Variants in PSAP observed in about 807,000 individuals in gnomAD.
PSAP encodes the protein precursor of saposins.
Under a neutral mutation model 66.0 loss-of-function variants are expected in PSAP, and 25 were observed. The ratio of observed to expected loss-of-function variants is 0.38; its 90% CI spans 0.28 to 0.53. The LOEUF is 0.53. Ranked by LOEUF, PSAP falls within the 20% of genes least tolerant of loss-of-function variation. The pLI is 0.83. For synonymous variants in PSAP, 273 were observed against 258.9 expected, an observed-to-expected ratio of 1.05 and a Z score of -0.52; for missense variants, 649 against 668.8, an observed-to-expected ratio of 0.97 and a Z score of 0.33.
In PSAP at chr10:71,831,053, A is replaced by G. The variant is rs1329425155; in HGVS notation, c.375+73T>C. On this transcript the variant is annotated intron_variant, in intron 4 of 13. Transcript: ENST00000394936. ...AAGAACAGACTTTCCATTTTAATCAATCTACTCTGGGCCACTGCCTCTCCT... is the reference window on the plus strand; with the variant it reads ...AAGAACAGACTTTCCATTTTAATCAGTCTACTCTGGGCCACTGCCTCTCCT... 9 of 1,598,584 alleles carry G rather than the reference A, an allele frequency of 5.6e-6. No individual in the cohort carries two copies. The Middle Eastern group carries it at 5.0e-4, about 88-fold the overall frequency.
At chr10:71,820,193 C>T (rs200623398) in intron 9 of PSAP, 47 bp downstream of exon 9, 1 of 1,517,190 alleles carries the variant, frequency 6.6e-7, no homozygotes, top group African/African-American at 1.4e-5. Flanking sequence ...GACATTCAGG[C>T]TCGGGGGGGC....
chr10:71,826,414 T>G (rs1219276492), intron 6 of PSAP, among the ~76,000 whole-genome samples: 1 of 152,200 alleles, frequency 6.6e-6, no homozygotes, highest in East Asian at 1.9e-4. Flanking sequence ...TTGGGGAGCT[T>G]CTACAGAGAG....
Position 71,822,109 on chromosome 10 carries a change from C to G in PSAP, c.778-102G>C. 5.9e-6 allele frequency: 9 copies of G among 1,532,144 alleles called. No individual in the cohort carries two copies. The Admixed American group carries it at 1.6e-4, about 27-fold the overall frequency. The allele number at this position is 1,532,144 out of a possible 1,614,324, so 94.9% of individuals were successfully genotyped here. A position where few individuals can be genotyped will look rare whatever the true frequency, so the allele number is the denominator to read the frequency against. On this transcript the variant is annotated intron_variant, in intron 7 of 13. Coordinates refer to ENST00000394936, the MANE Select transcript of PSAP (RefSeq NM_002778.4). ...AGGGAGCTGGACAGCACCCTGGGCC[C>G]AGGTCAAGGCTACCTCCCTCTCCCC...
intron 1 of PSAP, among the ~76,000 whole-genome samples, chr10:71,839,836 A>G (rs1023296668): frequency 6.6e-6 from 1 of 152,174 alleles, no homozygotes; most frequent in Non-Finnish European, 1.5e-5. Flanking sequence ...CCTGGGCGAC[A>G]GAGCGAGACT....
chr10:71,828,410 CT>C (rs1199223261), intron 5 of PSAP, among the ~76,000 whole-genome samples: 2 of 152,184 alleles, frequency 1.3e-5, no homozygotes, highest in Non-Finnish European at 2.9e-5. Context: ...AATCCCAGCA[CT>C]TTGGGAAGCC....
In PSAP at chr10:71,817,319, G is replaced by C. The variant is rs113284884; in HGVS notation, c.*122C>G. 7,000 of 1,053,852 alleles carry C rather than the reference G, an allele frequency of 6.6e-3. 43 individuals carry two copies. Among genetic ancestry groups the C allele is most frequent in the Non-Finnish European group, 7.8e-3 (5,264 of 673,388 alleles). 65.3% of individuals were successfully genotyped at this position (1,053,852 alleles called of 1,614,324 possible). On this transcript the variant is annotated 3_prime_UTR_variant, in exon 14 of 14. Coordinates refer to ENST00000394936, the MANE Select transcript of PSAP (RefSeq NM_002778.4). The stretch of plus-strand genomic sequence containing the variant: ...GCTACAATAAAGGACACAGAAATGG[G>C]GGAGGTGGGGGAGCCCTATTTTTAT...
At chr10:71,845,205 T>C (rs571501798) in intron 1 of PSAP, among the ~76,000 whole-genome samples, 6 of 152,164 alleles carry the variant, frequency 3.9e-5, no homozygotes, top group Non-Finnish European at 8.8e-5. Context: ...ATTTATTGGA[T>C]ACAATATTTG....
Position 71,831,183 on chromosome 10 carries a change from G to A in PSAP, c.318C>T (p.Cys106=). ...WLPKPNMSAS[C]KEIVDSYLPV... ...GGAGGTAGGAGTCCACTATCTCCTT[G>A]CATGAAGCAGACATGTTCGGTTTCG... Residue 106 remains cysteine, a synonymous_variant, in exon 4 of 14, where the codon TGC becomes TGT. Transcript: ENST00000394936. The A allele has an allele frequency of 6.2e-7, 1 of 1,614,110 alleles. No homozygotes were observed. Among genetic ancestry groups the A allele is most frequent in the Non-Finnish European group, 8.5e-7 (1 of 1,180,014 alleles).
At chr10:71,821,025 A>G (rs904052836) in intron 8 of PSAP, among the ~76,000 whole-genome samples, 2 of 152,196 alleles carry the variant, frequency 1.3e-5, no homozygotes, top group East Asian at 1.9e-4. Context: ...AGTGCGAGCT[A>G]TAACTCTTCA....
chr10:71,821,050 C>T (rs543801825), intron 8 of PSAP, among the ~76,000 whole-genome samples: 36 of 152,328 alleles, frequency 2.4e-4, no homozygotes, highest in African/African-American at 8.2e-4. Context: ...CTCTGGCCGT[C>T]ACTTTGGTCA....
chr10:71,823,097 G>A (rs768691184), intron 7 of PSAP, among the ~76,000 whole-genome samples: 1 of 151,372 alleles, frequency 6.6e-6, no homozygotes, highest in Non-Finnish European at 1.5e-5. Context: ...AGGAGGCCTA[G>A]GTAAAAATTC....
At chr10:71,849,057 G>C (rs1169240635) in intron 1 of PSAP, among the ~76,000 whole-genome samples, 1 of 152,012 alleles carries the variant, frequency 6.6e-6, no homozygotes, top group Non-Finnish European at 1.5e-5. Flanking sequence ...AACTCTTAAG[G>C]GTCTTGTGAG....
At position 71,825,887 on chromosome 10, in the gene PSAP, T is replaced by C. The variant is rs747236402; in HGVS notation, c.727A>G (p.Asn243Asp). The C allele has an allele frequency of 5.6e-6, 9 of 1,613,418 alleles. No homozygotes were observed. Among genetic ancestry groups the C allele is most frequent in the Non-Finnish European group, 7.6e-6 (9 of 1,179,368 alleles). The part of the protein sequence containing the change: ...LGPGMADICK[N>D]YISQYSEIAI... ...ATTTCAGAATACTGGCTGATATAGT[T>C]CTTGCACTGAGGAGAGAGAAACAGA... is the stretch of plus-strand genomic sequence containing the variant. Residue 243 changes from asparagine to aspartate, a missense_variant, in exon 7 of 14, where the codon AAC (asparagine) becomes GAC (aspartate). Physicochemically the swap from Asn to Asp is conservative, Grantham distance 23 (BLOSUM62 1). Coordinates refer to ENST00000394936, the MANE Select transcript of PSAP (RefSeq NM_002778.4).
At position 71,825,567 on chromosome 10, in the gene PSAP, T is replaced by C. The variant is rs186022894; in HGVS notation, c.777+270A>G. Among the ~76,000 whole-genome samples the C allele has an allele frequency of 3.4e-4, 52 of 152,234 alleles. No individual in the cohort carries two copies. In the South Asian group the frequency reaches 8.5e-3, roughly 25 times the overall value. ...GTTAAAGCCAGACCTAGAAACCTGA[T>C]GGCTGGCCTGAACGGGCAGAGGCAA... On this transcript the variant is annotated intron_variant, in intron 7 of 13. Transcript: ENST00000394936.
chr10:71,835,688 T>C (rs1210026517), intron 1 of PSAP, among the ~76,000 whole-genome samples: 2 of 152,116 alleles, frequency 1.3e-5, no homozygotes, highest in African/African-American at 4.8e-5. Context: ...AGCCCAATTA[T>C]TTAGCTAGGA....
In PSAP at chr10:71,820,237, T is replaced by C. The variant is rs1381400896; in HGVS notation, c.1005+3A>G. On this transcript the variant is annotated splice_donor_region_variant and intron_variant, in intron 9 of 13. Transcript: ENST00000394936. Reference sequence around the variant, plus strand: ...CCCTCCCTCTGCCAGGAGGACAGCATACCTCAGTCTTGTTGTTGTCAATCA... The same window carrying C: ...CCCTCCCTCTGCCAGGAGGACAGCACACCTCAGTCTTGTTGTTGTCAATCA... 6.2e-7 allele frequency: 1 copy of C among 1,609,974 alleles called. No homozygotes were observed. The highest frequency in any genetic ancestry group is 2.2e-5 in the East Asian group (1 of 44,872).
chr10:71,822,006 T>C lies in PSAP; in HGVS notation c.779A>G (p.Gln260Arg). Reference sequence around the variant, plus strand: ...AACCAGCGCACAGATCTCCTTGGGTTGCTGAAGAGAGCACAGAACAACCAG... The same window carrying C: ...AACCAGCGCACAGATCTCCTTGGGTCGCTGAAGAGAGCACAGAACAACCAG... ...EIAIQMMMHM[Q>R]PKEICALVGF... Residue 260 changes from glutamine to arginine, a missense_variant and splice_region_variant, in exon 8 of 14, where the codon CAA (glutamine) becomes CGA (arginine). Physicochemically the swap from Gln to Arg is conservative, Grantham distance 43. Coordinates refer to ENST00000394936, the MANE Select transcript of PSAP (RefSeq NM_002778.4). The C allele has an allele frequency of 6.2e-7, 1 of 1,614,162 alleles. No homozygotes were observed. The highest frequency in any genetic ancestry group is 1.1e-5 in the South Asian group (1 of 91,078).
chr10:71,823,490 CA>C (rs1410299022), intron 7 of PSAP, among the ~76,000 whole-genome samples: 2 of 151,574 alleles, frequency 1.3e-5, no homozygotes, highest in African/African-American at 4.9e-5. Context: ...GTGACAGACA[CA>C]AGGTGCCCTG....
Position 71,819,081 on chromosome 10 carries a change from C to A in PSAP, c.1381G>T (p.Val461Leu). 1 of 1,614,160 alleles carries A rather than the reference C, an allele frequency of 6.2e-7. No individual in the cohort carries two copies. Among genetic ancestry groups the A allele is most frequent in the Non-Finnish European group, 8.5e-7 (1 of 1,180,008 alleles). The part of the protein sequence containing the change: ...CDQFVAEYEP[V>L]LIEILVEVMD... ...ACCTCCACCAGGATCTCGATCAGCA[C>A]GGGCTCGTACTCTGCCACAAACTGA... The change falls in exon 12 of 14, where the codon GTG becomes TTG. Residue 461 changes from valine (V) to leucine (L), a missense_variant. Physicochemically the swap from Val to Leu is conservative, Grantham distance 32. Transcript: ENST00000394936.
Sources: allele counts gnomAD v4.1 joint callset (sites outside exome capture counted in the v4.1 genomes callset), GRCh38; gene constraint gnomAD v4.1.1; transcripts MANE v1.5; gene names NCBI Gene and HGNC (gene_info 2026-07-23, HGNC 2026-07-21).